The following LIMS1 variants were observed in gnomAD, a reference collection of about 807,000 sequenced individuals.
LIMS1 encodes LIM and senescent cell antigen-like-containing domain protein 1.
Under a neutral mutation model 44.1 loss-of-function variants are expected in LIMS1, and 18 were observed. That is an observed-to-expected ratio of 0.41 (90% CI 0.28 to 0.61). LIMS1 has a LOEUF of 0.61. Ranked by LOEUF, LIMS1 falls within the 20% of genes least tolerant of loss-of-function variation. LIMS1 has a pLI of 0.32. For missense variants in LIMS1, 201 were observed against 422.0 expected, an observed-to-expected ratio of 0.48 and a Z score of 4.59; for synonymous variants, 93 against 149.1, an observed-to-expected ratio of 0.62 and a Z score of 2.74.
intron 1 of LIMS1, among the ~76,000 whole-genome samples, chr2:108,569,764 C>CTTTTTTTTTTTTTTTT (rs10596766): frequency 4.4e-5 from 5 of 113,102 alleles, no homozygotes; most frequent in African/African-American, 6.9e-5. Flanking sequence ...CCATATCTGG[C>CTTTTTTTTTTTTTTTT]TTTTTTTTTT....
chr2:108,679,423 T>C (rs1224096371), intron 8 of LIMS1, among the ~76,000 whole-genome samples: 2 of 152,010 alleles, frequency 1.3e-5, no homozygotes, highest in African/African-American at 4.8e-5. Context: ...GAGGTTGCTG[T>C]GAGCCAAGAT....
intron 1 of LIMS1, among the ~76,000 whole-genome samples, chr2:108,641,317 A>C (rs1416693941): frequency 6.6e-6 from 1 of 152,244 alleles, no homozygotes; most frequent in Non-Finnish European, 1.5e-5. Context: ...TATCTGCAAC[A>C]CCGAAGAGAG....
At chr2:108,581,653 ATAG>A in intron 1 of LIMS1, among the ~76,000 whole-genome samples, 1 of 152,126 alleles carries the variant, frequency 6.6e-6, no homozygotes, top group Non-Finnish European at 1.5e-5. Flanking sequence ...GAGGCTTGCT[ATAG>A]GCTGGGCACG....
chr2:108,648,990 GACTAA>G (rs1690270280), intron 1 of LIMS1, among the ~76,000 whole-genome samples: 2 of 152,130 alleles, frequency 1.3e-5, no homozygotes, highest in Admixed American at 6.6e-5. Context: ...AACAGGATCT[GACTAA>G]ACTAAAGAGC....
intron 1 of LIMS1, among the ~76,000 whole-genome samples, chr2:108,617,057 G>A (rs1439377368): frequency 6.6e-6 from 1 of 152,132 alleles, no homozygotes; most frequent in African/African-American, 2.4e-5. Flanking sequence ...GAAATTAATG[G>A]CCTGGAAATG....
chr2:108,603,390 A>G (rs11896229), intron 1 of LIMS1, among the ~76,000 whole-genome samples: 1,824 of 150,744 alleles, frequency 0.012, 42 homozygotes, highest in African/African-American at 0.043. Flanking sequence ...GAATTTTTCC[A>G]TTCCTTCTAG....
intron 8 of LIMS1, among the ~76,000 whole-genome samples, chr2:108,679,910 A>G (rs553079290): frequency 6.6e-6 from 1 of 152,084 alleles, no homozygotes; most frequent in South Asian, 2.1e-4. Context: ...TCTGAAAAAC[A>G]AAAGAAAAGA....
Position 108,544,397 on chromosome 2 carries a change from A to G in LIMS1, c.32+9803A>G, listed in dbSNP as rs1022345617. Among the ~76,000 whole-genome samples the G allele has an allele frequency of 1.3e-3, 193 of 152,340 alleles. 1 individual carries two copies. The highest frequency in any genetic ancestry group is 2.2e-4 in the Non-Finnish European group (15 of 68,028). Reference sequence around the variant, plus strand: ...TTGAGGGATGTATGTCATGAAATCTATGCTTTTTAATTTTTTATTATGGAG... The same window carrying G: ...TTGAGGGATGTATGTCATGAAATCTGTGCTTTTTAATTTTTTATTATGGAG... On this transcript the variant is annotated intron_variant, in intron 1 of 9. Transcript: ENST00000544547.
At chr2:108,582,253 G>C (rs1256061643) in intron 1 of LIMS1, among the ~76,000 whole-genome samples, 1 of 152,154 alleles carries the variant, frequency 6.6e-6, no homozygotes, top group Non-Finnish European at 1.5e-5. Flanking sequence ...GAGCAAGTGG[G>C]AACTTGTGGA....
intron 5 of LIMS1, among the ~76,000 whole-genome samples, chr2:108,674,719 C>CAA (rs59992301): frequency 2.5e-4 from 11 of 43,728 alleles, no homozygotes; most frequent in Admixed American, 3.5e-4. Context: ...AGACTCGTCT[C>CAA]AAAAAAAAAA....
intron 1 of LIMS1, among the ~76,000 whole-genome samples, chr2:108,600,373 T>C (rs1686941858): frequency 6.6e-6 from 1 of 152,010 alleles, no homozygotes; most frequent in Non-Finnish European, 1.5e-5. Context: ...TTTAACTTAA[T>C]GTGATCCCAT....
chr2:108,618,513 T>C (rs1255704942), intron 1 of LIMS1, among the ~76,000 whole-genome samples: 1 of 152,050 alleles, frequency 6.6e-6, no homozygotes, highest in Non-Finnish European at 1.5e-5. Context: ...TCTCTCTCTC[T>C]CTCTCTATCT....
At chr2:108,671,998 G>A (rs866444618) in intron 3 of LIMS1, among the ~76,000 whole-genome samples, 120 of 152,106 alleles carry the variant, frequency 7.9e-4, no homozygotes, top group African/African-American at 2.6e-3. Flanking sequence ...GAGAAACCCC[G>A]TCTCTACTGA....
intron 1 of LIMS1, among the ~76,000 whole-genome samples, chr2:108,644,642 A>G (rs1689938753): frequency 6.6e-6 from 1 of 152,180 alleles, no homozygotes; most frequent in Non-Finnish European, 1.5e-5. Context: ...TGGAAGGAGA[A>G]TGAGTTTGAC....
chr2:108,681,370 T>C, intron 9 of LIMS1: 1 of 984,340 alleles, frequency 1.0e-6, no homozygotes, highest in Non-Finnish European at 1.2e-6. Flanking sequence ...TGTATTTCAC[T>C]TACTCTGTAG....
intron 1 of LIMS1, among the ~76,000 whole-genome samples, chr2:108,635,641 G>A (rs1176390909): frequency 1.6e-5 from 2 of 128,846 alleles, no homozygotes; most frequent in Non-Finnish European, 3.6e-5. Context: ...GGGAGGTTTC[G>A]GTGAACTGAG....
chr2:108,641,896 C>T (rs1279074301), intron 1 of LIMS1, among the ~76,000 whole-genome samples: 1 of 152,192 alleles, frequency 6.6e-6, no homozygotes, highest in African/African-American at 2.4e-5. Context: ...GAAGGAACTT[C>T]CCAGTTTCAT....
At chr2:108,654,072 G>A (rs1213572393) in intron 1 of LIMS1, among the ~76,000 whole-genome samples, 1 of 151,722 alleles carries the variant, frequency 6.6e-6, no homozygotes, top group Non-Finnish European at 1.5e-5. Context: ...GTTTTCTCGC[G>A]GGCAAATGGT....
At chr2:108,536,553 AG>A (rs1230282093) in intron 1 of LIMS1, among the ~76,000 whole-genome samples, 1 of 152,216 alleles carries the variant, frequency 6.6e-6, no homozygotes, top group Admixed American at 6.5e-5. Context: ...CTATTAAGAA[AG>A]CTACTACGAA....
Sources: allele counts gnomAD v4.1 joint callset (sites outside exome capture counted in the v4.1 genomes callset), GRCh38; gene constraint gnomAD v4.1.1; transcripts MANE v1.5; gene names NCBI Gene and HGNC (gene_info 2026-07-23, HGNC 2026-07-21).